The following XYLB variants were observed in gnomAD, a reference collection of about 807,000 sequenced individuals.
XYLB encodes the protein xylulose kinase.
Under a neutral mutation model 78.7 loss-of-function variants are expected in XYLB, and 62 were observed. The observed-to-expected ratio is 0.79, with a 90% CI of 0.64 to 0.97. The LOEUF (loss-of-function observed/expected upper bound fraction) is 0.97. Ranked by LOEUF, XYLB falls within the 50% of genes least tolerant of loss-of-function variation. The pLI is 0.00. For missense variants in XYLB, 687 were observed against 676.8 expected, an observed-to-expected ratio of 1.02 and a Z score of -0.17; for synonymous variants, 245 against 247.4, an observed-to-expected ratio of 0.99 and a Z score of 0.09.
At position 38,397,149 on chromosome 3, in the gene XYLB, A is replaced by G; in HGVS notation, c.1428A>G (p.Arg476=). The change falls in exon 17 of 19, where the codon CGA becomes CGG. Residue 476 remains arginine, a synonymous_variant. Coordinates refer to ENST00000207870, the MANE Select transcript of XYLB (RefSeq NM_005108.4). ...CGGCCTGTGTGGGTTCTGCATACCG[A>G]GCTTTTCATGGTAGGTTGATGGAGG... ...ANSACVGSAY[R]AFHGLAGGTD... The G allele has an allele frequency of 1.9e-6, 3 of 1,613,890 alleles. No homozygotes were observed. Among genetic ancestry groups the G allele is most frequent in the Non-Finnish European group, 2.5e-6 (3 of 1,180,002 alleles).
chr3:38,374,886 A>G (rs1369725938), intron 11 of XYLB, among the ~76,000 whole-genome samples: 3 of 152,176 alleles, frequency 2.0e-5, no homozygotes, highest in Admixed American at 6.5e-5. Flanking sequence ...GGAACCAGCC[A>G]TCACCCAAAC....
chr3:38,434,656 G>A, the XYLB span, among the ~76,000 whole-genome samples: 1 of 152,072 alleles, frequency 6.6e-6, no homozygotes, highest in African/African-American at 2.4e-5. Context: ...ATCACACAAA[G>A]GAGGAAGAGA....
At chr3:38,374,408 T>C (rs1284053797) in intron 10 of XYLB, 54 bp from the exon 11 acceptor site, 1 of 1,613,488 alleles carries the variant, frequency 6.2e-7, no homozygotes, top group Non-Finnish European at 8.5e-7. Context: ...TGTGGTTTGC[T>C]TTGTGGTTCC....
At chr3:38,369,642 C>T (rs936013709) in intron 8 of XYLB, among the ~76,000 whole-genome samples, 2 of 152,160 alleles carry the variant, frequency 1.3e-5, no homozygotes, top group Non-Finnish European at 2.9e-5. Flanking sequence ...TCTCAGTGAC[C>T]AGAAGGAAGT....
At chr3:38,450,044 T>C in the XYLB span, among the ~76,000 whole-genome samples, 2 of 152,206 alleles carry the variant, frequency 1.3e-5, no homozygotes, top group African/African-American at 2.4e-5. Context: ...GATAGCTTAT[T>C]AAGTCTTGGG....
At chr3:38,435,016 A>C in the XYLB span, among the ~76,000 whole-genome samples, 5 of 152,288 alleles carry the variant, frequency 3.3e-5, no homozygotes, top group South Asian at 1.0e-3. Context: ...ACGTGCCTGT[A>C]ATCCCAGCTA....
chr3:38,388,217 T>A (rs1423411348), intron 15 of XYLB, among the ~76,000 whole-genome samples: 2 of 150,980 alleles, frequency 1.3e-5, no homozygotes, highest in South Asian at 2.1e-4. Flanking sequence ...TTTTTATTTT[T>A]AAAAATGTAT....
chr3:38,372,585 G>C (rs749258082), intron 9 of XYLB, 70 bp from the exon 10 acceptor site: 8 of 1,611,138 alleles, frequency 5.0e-6, no homozygotes, highest in East Asian at 2.2e-5. Context: ...TGGCCTGAAG[G>C]GTGGGTGGCT....
In XYLB at chr3:38,353,833, G is replaced by A. The variant is rs573973751; in HGVS notation, c.140+5201G>A. Among the ~76,000 whole-genome samples, 43 of 147,106 alleles carry A rather than the reference G, an allele frequency of 2.9e-4. No individual in the cohort carries two copies. In the South Asian group the frequency reaches 9.2e-3, roughly 32 times the overall value. ...ACCTGGGAGGCAGAGGTTGCAGTGA[G>A]CTGAGATTGTGCCACTGCATTCCAG... On this transcript the variant is annotated intron_variant, in intron 2 of 18. Transcript: ENST00000207870.
intron 3 of XYLB, among the ~76,000 whole-genome samples, chr3:38,362,459 A>T (rs1706024327): frequency 2.0e-5 from 3 of 152,082 alleles, no homozygotes; most frequent in Admixed American, 2.0e-4. Flanking sequence ...ACTGGTCTTG[A>T]ACTCCTGAGC....
chr3:38,445,611 C>T, the XYLB span, among the ~76,000 whole-genome samples: 2 of 152,328 alleles, frequency 1.3e-5, no homozygotes, highest in East Asian at 3.9e-4. Flanking sequence ...GGTCAACCAA[C>T]ATTTTGTTGG....
chr3:38,446,670 T>A, the XYLB span, among the ~76,000 whole-genome samples: 1 of 152,168 alleles, frequency 6.6e-6, no homozygotes, highest in Non-Finnish European at 1.5e-5. Context: ...TATTGGGGAA[T>A]GGAAACCCTC....
chr3:38,375,280 G>A (rs1358939866), intron 12 of XYLB, 21 bp downstream of exon 12: 1 of 1,607,302 alleles, frequency 6.2e-7, no homozygotes, highest in Non-Finnish European at 8.5e-7. Flanking sequence ...GTGTTGGTTG[G>A]CACCATTCCC....
At chr3:38,426,157 A>AC (rs1454504789), downstream of XYLB, among the ~76,000 whole-genome samples, 8 of 152,216 alleles carry the variant, frequency 5.3e-5, no homozygotes, top group African/African-American at 1.9e-4. Flanking sequence ...CACAGTACAA[A>AC]CAGCAGACTA....
In XYLB at chr3:38,368,188, A is replaced by G. The variant is rs1013902338; in HGVS notation, c.577A>G (p.Ile193Val). Residue 193 changes from isoleucine (I) to valine (V), a missense_variant, in exon 8 of 19, where the codon ATT (isoleucine) becomes GTT (valine). Coordinates refer to ENST00000207870, the MANE Select transcript of XYLB (RefSeq NM_005108.4). ...NPEAYSHTER[I>V]SLVSSFAASL... ...TCACTGTTTCTTTCCTTTACAGAGA[A>G]TTTCTTTGGTCAGTAGCTTTGCTGC... is the stretch of plus-strand genomic sequence containing the variant. The G allele has an allele frequency of 3.7e-6, 6 of 1,613,760 alleles. No homozygotes were observed. The African/African-American group carries it at 8.0e-5, about 22-fold the overall frequency.
At position 38,371,265 on chromosome 3, in the gene XYLB, T is replaced by C. The variant is rs549897545; in HGVS notation, c.765+1091T>C. On this transcript the variant is annotated intron_variant, in intron 9 of 18. Transcript: ENST00000207870. ...CTGGGACCATAGGCTTGCTCCACCA[T>C]GCACAGCTAATTTTTTTTTTTTTTT... Among the ~76,000 whole-genome samples the C allele has an allele frequency of 2.5e-5, 3 of 121,090 alleles. No homozygotes were observed. In the East Asian group the frequency reaches 8.0e-4, roughly 32 times the overall value. 79.4% of individuals were successfully genotyped at this position (121,090 alleles called of 152,430 possible).
chr3:38,435,085 G>A, the XYLB span, among the ~76,000 whole-genome samples: 4 of 151,478 alleles, frequency 2.6e-5, no homozygotes, highest in South Asian at 2.1e-4. Flanking sequence ...GCAGTGAGCC[G>A]AGATCACACC....
In XYLB at chr3:38,413,703, C is replaced by T. The variant is rs1708692173; in HGVS notation, c.*690C>T. The T allele has an allele frequency of 6.6e-6, 1 of 152,184 alleles. No homozygotes were observed. Among genetic ancestry groups the T allele is most frequent in the African/African-American group, 2.4e-5 (1 of 41,398 alleles). The allele number at this position is 152,184 out of a possible 1,614,324, so 9.4% of individuals were successfully genotyped here. ...TCACTTGGCATAATTCACAACCTCC[C>T]ACCCAAACAATGGGCCTGGTGGACG... On this transcript the variant is annotated 3_prime_UTR_variant, in exon 19 of 19. Coordinates refer to ENST00000207870, the MANE Select transcript of XYLB (RefSeq NM_005108.4).
At chr3:38,389,199 G>A (rs1227364910) in intron 15 of XYLB, among the ~76,000 whole-genome samples, 2 of 137,062 alleles carry the variant, frequency 1.5e-5, no homozygotes, top group East Asian at 2.1e-4. Flanking sequence ...ATCTTGCACC[G>A]CCCTTAATCC....
Sources: gnomAD v4.1 joint callset for allele counts (sites outside exome capture counted in the v4.1 genomes callset) on GRCh38, gnomAD v4.1.1 for gene constraint, MANE v1.5 for transcripts, NCBI Gene and HGNC (gene_info 2026-07-23, HGNC 2026-07-21) for gene names.